The following LRBA variants were observed in gnomAD, a reference collection of about 807,000 sequenced individuals.
The protein encoded by LRBA is LPS responsive beige-like anchor protein.
A neutral mutation model predicts 330.0 loss-of-function variants in LRBA; 176 were observed. That is an observed-to-expected ratio of 0.53 (90% CI 0.47 to 0.60). LRBA has a LOEUF of 0.60. LRBA is among the 20% of genes least tolerant of loss of function. LRBA has a pLI of 0.00. For missense variants in LRBA, 3,259 were observed against 3,444.8 expected, an observed-to-expected ratio of 0.95 and a Z score of 1.35; for synonymous variants, 1,230 against 1,193.0, an observed-to-expected ratio of 1.03 and a Z score of -0.64.
At chr4:150,295,718 C>A (rs4696254) in intron 53 of LRBA, among the ~76,000 whole-genome samples, 1 of 152,130 alleles carries the variant, frequency 6.6e-6, no homozygotes, top group African/African-American at 2.4e-5. Flanking sequence ...TAGGTACTTA[C>A]ATATGTAGCT....
intron 36 of LRBA, among the ~76,000 whole-genome samples, chr4:150,695,890 T>C (rs1333906586): frequency 6.6e-6 from 1 of 152,206 alleles, no homozygotes; most frequent in African/African-American, 2.4e-5. Context: ...GGTCTCCTAC[T>C]TATGAATAAA....
intron 42 of LRBA, 151 bp downstream of exon 42, chr4:150,487,581 T>G: frequency 2.4e-6 from 1 of 421,692 alleles, no homozygotes; most frequent in Non-Finnish European, 4.4e-6. Context: ...ATAATCATTA[T>G]TTACTATGAA....
At chr4:150,758,761 G>C (rs937007884) in intron 35 of LRBA, among the ~76,000 whole-genome samples, 1 of 151,764 alleles carries the variant, frequency 6.6e-6, no homozygotes, top group Admixed American at 6.6e-5. Context: ...TTTCTGTAGA[G>C]ACAGGGTCTC....
At chr4:150,283,054 G>A (rs1231795530) in intron 54 of LRBA, among the ~76,000 whole-genome samples, 6 of 152,214 alleles carry the variant, frequency 3.9e-5, no homozygotes, top group Non-Finnish European at 8.8e-5. Flanking sequence ...CCTGCACCTT[G>A]CAGGAGCCCC....
In LRBA at chr4:150,783,036, T is replaced by A. The variant is rs532067616; in HGVS notation, c.5580+15045A>T. 4.3e-3 allele frequency among the ~76,000 whole-genome samples: 648 copies of A among 152,298 alleles called. 4 individuals are homozygous for A. The highest frequency in any genetic ancestry group is 0.015 in the African/African-American group (627 of 41,550). On this transcript the variant is annotated intron_variant, in intron 34 of 56. Transcript: ENST00000651943. ...CAGAAATTCAGCTTAATTTGTTAAG[T>A]ATAAAGCCTATCAGGCTGCAATAAA...
chr4:150,674,631 C>T (rs1019513935), intron 37 of LRBA, among the ~76,000 whole-genome samples: 2 of 152,168 alleles, frequency 1.3e-5, no homozygotes, highest in African/African-American at 4.8e-5. Context: ...ATTCCCAGCA[C>T]TTTGGCAGGC....
chr4:150,370,320 T>C (rs1019254605), intron 47 of LRBA, among the ~76,000 whole-genome samples: 4 of 152,190 alleles, frequency 2.6e-5, no homozygotes, highest in African/African-American at 9.6e-5. Flanking sequence ...AAACAAACTA[T>C]GGTCCATCCA....
At chr4:150,639,287 C>A (rs1258767977) in intron 37 of LRBA, among the ~76,000 whole-genome samples, 18 of 135,944 alleles carry the variant, frequency 1.3e-4, no homozygotes, top group Non-Finnish European at 2.3e-4. Context: ...GTGCAGTGCA[C>A]CAGCATGGCA....
chr4:150,805,269 AAAGGAAAGGAAAGGAG>A (rs1742436798), intron 33 of LRBA, among the ~76,000 whole-genome samples: 1 of 139,904 alleles, frequency 7.1e-6, no homozygotes, highest in Non-Finnish European at 1.5e-5. Context: ...AACGAGAAGG[AAAGGAAAGGAAAGGAG>A]AAGGAAAGGA....
intron 37 of LRBA, among the ~76,000 whole-genome samples, chr4:150,623,211 CACAAGGGCATTCTG>C (rs1357383597): frequency 6.6e-6 from 1 of 152,148 alleles, no homozygotes; most frequent in African/African-American, 2.4e-5. Context: ...AACCTTGCCC[CACAAGGGCATTCTG>C]ACAGTATTTA....
rs141077655 is a variant in LRBA at position 150,570,144 on chromosome 4, T to A, written c.6330+17904A>T. On this transcript the variant is annotated intron_variant, in intron 40 of 56. Coordinates refer to ENST00000651943, the MANE Select transcript of LRBA (RefSeq NM_001364905.1). ...GATTTCACTGAACACTAAAGCATAA[T>A]ACACTTACTTCAGAAAAGAAAATGT... is the stretch of plus-strand genomic sequence containing the variant. Among the ~76,000 whole-genome samples the A allele has an allele frequency of 1.8e-3, 276 of 152,220 alleles. 3 individuals are homozygous for A. The highest frequency in any genetic ancestry group is 0.015 in the South Asian group (73 of 4,828).
chr4:150,590,862 G>T lies in LRBA; in HGVS notation c.6047-3C>A. ...AGCAAGGATATCTTCATCTGTGGCT[G>T]AAATGAAAAGGAAACAAAGCTGTCC... On this transcript the variant is annotated splice_polypyrimidine_tract_variant and splice_region_variant and intron_variant, in intron 38 of 56. Transcript: ENST00000651943. 1 of 1,613,410 alleles carries T rather than the reference G, an allele frequency of 6.2e-7. No individual in the cohort carries two copies. The highest frequency in any genetic ancestry group is 8.5e-7 in the Non-Finnish European group (1 of 1,179,796).
intron 46 of LRBA, among the ~76,000 whole-genome samples, chr4:150,424,331 T>C (rs1343373655): frequency 2.0e-5 from 3 of 152,280 alleles, no homozygotes; most frequent in Middle Eastern, 3.4e-3. Flanking sequence ...GGCTAATTGA[T>C]ATAAATGAGT....
chr4:150,463,087 T>G (rs1338128867), intron 44 of LRBA, among the ~76,000 whole-genome samples: 1 of 152,024 alleles, frequency 6.6e-6, no homozygotes, highest in Admixed American at 6.6e-5. Context: ...ATATCTGATG[T>G]GCTTGATTAT....
intron 37 of LRBA, among the ~76,000 whole-genome samples, chr4:150,614,010 T>G (rs1450403373): frequency 6.6e-6 from 1 of 152,216 alleles, no homozygotes; most frequent in African/African-American, 2.4e-5. Context: ...GTTTCAAGTT[T>G]CTTCAACAAT....
At chr4:150,271,062 C>T (rs1032745818) in intron 56 of LRBA, among the ~76,000 whole-genome samples, 3 of 152,096 alleles carry the variant, frequency 2.0e-5, no homozygotes, top group South Asian at 2.1e-4. Context: ...GAGGGCAAGC[C>T]GAAGCAGGGT....
At chr4:150,611,381 G>A (rs1012948400) in intron 37 of LRBA, among the ~76,000 whole-genome samples, 18 of 152,132 alleles carry the variant, frequency 1.2e-4, no homozygotes, top group African/African-American at 4.1e-4. Flanking sequence ...AATAGCGCTA[G>A]ACCCTCCCAA....
chr4:150,671,702 T>C (rs866662867), intron 37 of LRBA, among the ~76,000 whole-genome samples: 1 of 152,070 alleles, frequency 6.6e-6, no homozygotes, highest in Non-Finnish European at 1.5e-5. Context: ...GAAGAACCTA[T>C]AAACATAAAA....
At chr4:150,317,007 G>A (rs1422097317) in intron 50 of LRBA, among the ~76,000 whole-genome samples, 1 of 152,042 alleles carries the variant, frequency 6.6e-6, no homozygotes, top group Non-Finnish European at 1.5e-5. Context: ...TGGCCCTGGT[G>A]GGTGTGTGAT....
Sources: allele counts gnomAD v4.1 joint callset (sites outside exome capture counted in the v4.1 genomes callset), GRCh38; gene constraint gnomAD v4.1.1; transcripts MANE v1.5; gene names NCBI Gene and HGNC (gene_info 2026-07-23, HGNC 2026-07-21).